Variants in CHD6 observed in about 807,000 individuals in gnomAD.
The protein encoded by CHD6 is ATP-dependent chromatin remodeler CHD6.
Under a neutral mutation model 276.9 loss-of-function variants are expected in CHD6, and 50 were observed. That is an observed-to-expected ratio of 0.18 (90% CI 0.14 to 0.23). The LOEUF (loss-of-function observed/expected upper bound fraction) is 0.23, where lower values mean the gene tolerates loss of function less well. CHD6 is among the 10% of genes least tolerant of loss of function. The pLI, the probability that CHD6 is intolerant of heterozygous loss-of-function variation, is 1.00. For missense variants in CHD6, 2,564 were observed against 3,365.8 expected (o/e 0.76, Z 5.89); for synonymous variants, 1,173 against 1,229.3 (o/e 0.95, Z 0.96).
intron 1 of CHD6, among the ~76,000 whole-genome samples, chr20:41,607,574 C>A (rs1488702925): frequency 6.6e-6 from 1 of 152,004 alleles, no homozygotes; most frequent in African/African-American, 2.4e-5. Context: ...CAATTAGTTA[C>A]AGAGGGAAAA....
intron 1 of CHD6, among the ~76,000 whole-genome samples, chr20:41,588,256 C>CA (rs1568719634): frequency 6.6e-6 from 1 of 152,160 alleles, no homozygotes; most frequent in Non-Finnish European, 1.5e-5. Context: ...CACAAAATCT[C>CA]AGTGTCATAC....
chr20:41,466,288 G>A (rs896368330), intron 17 of CHD6, among the ~76,000 whole-genome samples: 12 of 152,176 alleles, frequency 7.9e-5, no homozygotes, highest in Admixed American at 3.9e-4. Context: ...AGCCTTTTAA[G>A]ATAAATGCTA....
At chr20:41,528,572 T>A (rs892788541) in intron 3 of CHD6, among the ~76,000 whole-genome samples, 8 of 152,124 alleles carry the variant, frequency 5.3e-5, no homozygotes, top group African/African-American at 1.9e-4. Flanking sequence ...TGAACTAAAC[T>A]CATACTCAAA....
chr20:41,436,974 T>C (rs574737102), intron 27 of CHD6, among the ~76,000 whole-genome samples: 14 of 152,286 alleles, frequency 9.2e-5, no homozygotes, highest in South Asian at 2.1e-4. Flanking sequence ...GGTTGTGATA[T>C]TGTACTACAA....
In CHD6 at chr20:41,454,642, T is replaced by A; in HGVS notation, c.3104A>T (p.Glu1035Val). Reference protein sequence around the residue: ...KWAKIAELDTEAKNEKESLVI... With the variant: ...KWAKIAELDTVAKNEKESLVI... ...TTGCTGTACCTTTTCATTCTTTGCTTCAGTGTCTAGTTCAGCTATTTTAGC... is the reference window on the plus strand; with the variant it reads ...TTGCTGTACCTTTTCATTCTTTGCTACAGTGTCTAGTTCAGCTATTTTAGC... The change falls in exon 20 of 37, where the codon GAA becomes GTA. Residue 1035 changes from glutamate to valine, a missense_variant. By Grantham distance (121) the Glu-to-Val change is moderately radical. This residue lies in a region of CHD6 where 515 missense variants were observed against 739.5 expected (regional missense o/e 0.70). Transcript: ENST00000373233. The A allele has an allele frequency of 6.2e-7, 1 of 1,612,266 alleles. No individual in the cohort carries two copies. Among genetic ancestry groups the A allele is most frequent in the Non-Finnish European group, 8.5e-7 (1 of 1,178,760 alleles).
intron 1 of CHD6, among the ~76,000 whole-genome samples, chr20:41,611,194 C>T: frequency 6.6e-6 from 1 of 152,182 alleles, no homozygotes; most frequent in Admixed American, 6.5e-5. Context: ...CTTGCTTAGA[C>T]TCATTTTAGG....
chr20:41,493,093 T>C (rs2043594696), intron 10 of CHD6, among the ~76,000 whole-genome samples: 2 of 151,646 alleles, frequency 1.3e-5, no homozygotes, highest in Admixed American at 1.3e-4. Flanking sequence ...TCTGTGGGAG[T>C]CACAGGGATC....
chr20:41,454,268 C>G (rs534329534), intron 20 of CHD6, among the ~76,000 whole-genome samples: 7 of 152,312 alleles, frequency 4.6e-5, no homozygotes, highest in Admixed American at 3.3e-4. Context: ...CTTTTTCCCT[C>G]TATTATGTGT....
intron 19 of CHD6, 63 bp from the exon 20 acceptor site, chr20:41,454,799 G>C (rs778704825): frequency 1.8e-6 from 2 of 1,132,306 alleles, no homozygotes; most frequent in South Asian, 2.8e-5. Flanking sequence ...TAAAACACCA[G>C]TGTTACTTCA....
intron 17 of CHD6, among the ~76,000 whole-genome samples, chr20:41,461,459 C>A (rs1202119084): frequency 6.6e-6 from 1 of 152,126 alleles, no homozygotes; most frequent in Admixed American, 6.5e-5. Flanking sequence ...CTGGTCTTTT[C>A]CATGCAATTC....
chr20:41,480,326 G>C (rs961903671), intron 16 of CHD6, among the ~76,000 whole-genome samples: 6 of 152,156 alleles, frequency 3.9e-5, no homozygotes, highest in Non-Finnish European at 7.4e-5. Flanking sequence ...TGATGTGTTG[G>C]AACATAACCA....
intron 17 of CHD6, among the ~76,000 whole-genome samples, chr20:41,466,143 A>G (rs1469203607): frequency 6.6e-6 from 1 of 152,220 alleles, no homozygotes; most frequent in Non-Finnish European, 1.5e-5. Context: ...TGGAGGTTGC[A>G]GTGAGCCGAG....
chr20:41,586,381 C>T (rs117867097), intron 1 of CHD6, among the ~76,000 whole-genome samples: 4,657 of 152,312 alleles, frequency 0.031, 96 homozygotes, highest in Middle Eastern at 0.071. Context: ...ACCATTGTTC[C>T]TGCACAGCTA....
chr20:41,588,845 G>A (rs1022334619), intron 1 of CHD6, among the ~76,000 whole-genome samples: 1 of 152,060 alleles, frequency 6.6e-6, no homozygotes, highest in Admixed American at 6.6e-5. Context: ...AAATTATTTT[G>A]TTGAAATATT....
At position 41,420,624 on chromosome 20, in the gene CHD6, G is replaced by T. The variant is rs1238474366; in HGVS notation, c.6011C>A (p.Ala2004Glu). The stretch of plus-strand genomic sequence containing the variant: ...TGTGGGGAAAACGTTTTGCCCCTCT[G>T]CACTTTCTTTCCAAGGTTCTTTTAA... ...ELLKEPWKESAEGQNVFPTYP... is the reference protein window; with the variant it reads ...ELLKEPWKESEEGQNVFPTYP... The change falls in exon 31 of 37, where the codon GCA (alanine) becomes GAA (glutamate). Residue 2004 changes from alanine to glutamate, a missense_variant. Ala to Glu is a moderately radical substitution (Grantham distance 107). Transcript: ENST00000373233. 1 of 1,614,092 alleles carries T rather than the reference G, an allele frequency of 6.2e-7. No homozygotes were observed. Among genetic ancestry groups the T allele is most frequent in the East Asian group, 2.2e-5 (1 of 44,902 alleles).
chr20:41,546,488 G>T (rs2045045600), intron 2 of CHD6, among the ~76,000 whole-genome samples: 1 of 152,140 alleles, frequency 6.6e-6, no homozygotes, highest in Non-Finnish European at 1.5e-5. Flanking sequence ...GATGACACCT[G>T]CCTGCAGACC....
At chr20:41,487,411 C>G (rs758392347) in intron 14 of CHD6, among the ~76,000 whole-genome samples, 1 of 152,046 alleles carries the variant, frequency 6.6e-6, no homozygotes, top group African/African-American at 2.4e-5. Flanking sequence ...CAAGGAGGCC[C>G]GATACACCAA....
At chr20:41,548,054 A>G (rs1477356995) in intron 2 of CHD6, 1 of 200,514 alleles carries the variant, frequency 5.0e-6, no homozygotes, top group Non-Finnish European at 1.0e-5. Flanking sequence ...AATTCACTCC[A>G]GAACATGAGC....
At chr20:41,597,312 T>C in intron 1 of CHD6, among the ~76,000 whole-genome samples, 1 of 152,160 alleles carries the variant, frequency 6.6e-6, no homozygotes, top group East Asian at 1.9e-4. Flanking sequence ...TATCTCCTTA[T>C]GAAATGTTTT....
Sources: gnomAD v4.1 joint callset for allele counts (sites outside exome capture counted in the v4.1 genomes callset) on GRCh38, gnomAD v4.1.1 for gene constraint, gnomAD v4.1.1 regional missense constraint, MANE v1.5 for transcripts, NCBI Gene and HGNC (gene_info 2026-07-23, HGNC 2026-07-21) for gene names.